MRPL21: variants seen among roughly 807,000 people sequenced by gnomAD.
MRPL21 encodes mitochondrial ribosomal protein L21.
MRPL21 carries 20 observed loss-of-function variants against 27.3 expected under a neutral mutation model. The ratio of observed to expected loss-of-function variants is 0.73; its 90% CI spans 0.52 to 1.06. MRPL21 has a LOEUF of 1.06. MRPL21 is among the 50% of genes least tolerant of loss of function. The pLI is 0.00. For missense variants in MRPL21, 249 were observed against 251.4 expected (o/e 0.99, Z 0.06); for synonymous variants, 98 against 101.5 (o/e 0.97, Z 0.21).
At chr11:68,893,247 G>A (rs1857698091) in intron 5 of MRPL21, 156 bp downstream of exon 5, 20 of 1,453,844 alleles carry the variant, frequency 1.4e-5, no homozygotes, top group Non-Finnish European at 1.7e-5. Context: ...GTTCTCATGG[G>A]CCCTAAATGT....
At chr11:68,899,742 C>T (rs1016973692) in intron 2 of MRPL21, among the ~76,000 whole-genome samples, 4 of 152,156 alleles carry the variant, frequency 2.6e-5, no homozygotes, top group African/African-American at 4.8e-5. Context: ...AATGTTTTGC[C>T]GCTTCTTTGA....
Position 68,899,872 on chromosome 11 carries a change from T to C in MRPL21, c.146+676A>G, listed in dbSNP as rs144204747. Among the ~76,000 whole-genome samples the C allele has an allele frequency of 1.1e-4, 17 of 152,330 alleles. No individual in the cohort carries two copies. In the East Asian group the frequency reaches 3.1e-3, roughly 28 times the overall value. On this transcript the variant is annotated intron_variant, in intron 2 of 6. Coordinates refer to ENST00000362034, the MANE Select transcript of MRPL21 (RefSeq NM_181514.2). The stretch of plus-strand genomic sequence containing the variant: ...ATGCCAGGCACTGTTCTAAGAGCTT[T>C]AAATGTATACATTTACTTAATCCTC...
At position 68,900,576 on chromosome 11, in the gene MRPL21, T is replaced by C. The variant is rs755730762; in HGVS notation, c.118A>G (p.Asn40Asp). The change falls in exon 2 of 7, where the codon AAT becomes GAT. Residue 40 changes from asparagine (N) to aspartate (D), a missense_variant. Asn to Asp is a conservative substitution (Grantham distance 23). Coordinates refer to ENST00000362034, the MANE Select transcript of MRPL21 (RefSeq NM_181514.2). ...GGTAGATATGAAGTGCTCTGTGAATTGAACCTTCGAGAAGCAGACCAAAGG... is the reference window on the plus strand; with the variant it reads ...GGTAGATATGAAGTGCTCTGTGAATCGAACCTTCGAGAAGCAGACCAAAGG... ...ASLWSASRRF[N>D]SQSTSYLPGY... 5 of 1,613,966 alleles carry C rather than the reference T, an allele frequency of 3.1e-6. No individual in the cohort carries two copies. The highest frequency in any genetic ancestry group is 4.2e-6 in the Non-Finnish European group (5 of 1,179,880).
At chr11:68,898,682 T>C (rs974662494) in intron 2 of MRPL21, among the ~76,000 whole-genome samples, 1 of 152,216 alleles carries the variant, frequency 6.6e-6, no homozygotes, top group Non-Finnish European at 1.5e-5. Context: ...GGTCCCAGCA[T>C]GGCCAGTGAG....
chr11:68,902,233 CT>C (rs1275862918), intron 1 of MRPL21, among the ~76,000 whole-genome samples: 1 of 152,210 alleles, frequency 6.6e-6, no homozygotes, highest in Non-Finnish European at 1.5e-5. Flanking sequence ...TGAGTCTGTA[CT>C]TGAACATAGC....
rs750300527 is a variant in MRPL21, at chr11:68,893,431, A to G, written c.421T>C (p.Phe141Leu). ...AGGAGTGGCTTGCCAAGCAGCGTGA[A>G]GTTGTCTGCCCCAACCAGCAGGACC... is the stretch of plus-strand genomic sequence containing the variant. ...EKVLLVGADN[F>L]TLLGKPLLGK... Residue 141 changes from phenylalanine to leucine, a missense_variant, in exon 5 of 7, where the codon TTC (phenylalanine) becomes CTC (leucine). Coordinates refer to ENST00000362034, the MANE Select transcript of MRPL21 (RefSeq NM_181514.2). The G allele has an allele frequency of 1.2e-6, 2 of 1,614,206 alleles. No individual in the cohort carries two copies. The highest frequency in any genetic ancestry group is 1.7e-6 in the Non-Finnish European group (2 of 1,180,038).
intron 1 of MRPL21, 70 bp downstream of exon 1, chr11:68,903,653 A>C: frequency 1.3e-6 from 2 of 1,524,342 alleles, no homozygotes; most frequent in Non-Finnish European, 1.8e-6. Context: ...ACCCAGGCAC[A>C]TACGTGGCGA....
chr11:68,896,632 G>A lies in MRPL21; in HGVS notation c.279C>T (p.Gly93=). 1 of 1,614,196 alleles carries A rather than the reference G, an allele frequency of 6.2e-7. No homozygotes were observed. Among genetic ancestry groups the A allele is most frequent in the African/African-American group, 1.3e-5 (1 of 75,050 alleles). The change falls in exon 4 of 7, where the codon GGC becomes GGT. Residue 93 remains glycine, a synonymous_variant. Transcript: ENST00000362034. ...VNEMIVTGQY[G]RLFAVVHFAS... is the part of the protein sequence containing the mutation. ...CAAAGTGCACCACGGCAAAGAGCCT[G>A]CCATACTGCCCCGTGACGATCATCT...
chr11:68,896,954 G>C (rs17532584), intron 3 of MRPL21: 3 of 495,824 alleles, frequency 6.1e-6, no homozygotes, highest in Non-Finnish European at 7.3e-6. Flanking sequence ...CGCCCAAACC[G>C]CCTCATGCAA....
chr11:68,895,800 G>T (rs1295828899), intron 4 of MRPL21, among the ~76,000 whole-genome samples: 1 of 152,158 alleles, frequency 6.6e-6, no homozygotes, highest in Non-Finnish European at 1.5e-5. Flanking sequence ...CCCACAAATA[G>T]CTGGGACTAC....
rs746649885 is a variant in MRPL21 at position 68,896,695 on chromosome 11, G to A, written c.233-17C>T. 1.6e-5 allele frequency: 25 copies of A among 1,612,430 alleles called. No individual in the cohort carries two copies. Among genetic ancestry groups the A allele is most frequent in the Admixed American group, 1.7e-5 (1 of 59,994 alleles). On this transcript the variant is annotated splice_polypyrimidine_tract_variant and intron_variant, in intron 3 of 6. Coordinates refer to ENST00000362034, the MANE Select transcript of MRPL21 (RefSeq NM_181514.2). ...TCACGACCTCTGCAGGGGAAGGCGGGTGGGTGGGCAGTCACCCTCACCTGC... is the reference window on the plus strand; with the variant it reads ...TCACGACCTCTGCAGGGGAAGGCGGATGGGTGGGCAGTCACCCTCACCTGC...
intron 4 of MRPL21, 48 bp from the exon 5 acceptor site, chr11:68,893,503 T>G: frequency 6.2e-7 from 1 of 1,611,550 alleles, no homozygotes; most frequent in South Asian, 1.1e-5. Context: ...TTACGATGAG[T>G]AAGAACAGTT....
Position 68,892,815 on chromosome 11 carries a change from C to A in MRPL21, c.553+75G>T, listed in dbSNP as rs1373430874. 3 of 1,568,262 alleles carry A rather than the reference C, an allele frequency of 1.9e-6. No homozygotes were observed. In the South Asian group the frequency reaches 3.4e-5, roughly 18 times the overall value. On this transcript the variant is annotated intron_variant, in intron 6 of 6. Transcript: ENST00000362034. ...CTTCCTGTCCCGAGACCCACGTGCCCCACACCCTCCGTCCGCATGCGCCTG... is the reference window on the plus strand; with the variant it reads ...CTTCCTGTCCCGAGACCCACGTGCCACACACCCTCCGTCCGCATGCGCCTG...
At chr11:68,897,772 C>T in intron 3 of MRPL21, 155 bp downstream of exon 3, 2 of 607,892 alleles carry the variant, frequency 3.3e-6, no homozygotes, top group South Asian at 4.1e-5. Flanking sequence ...CTGGTGTTAA[C>T]TGGTGAAAAT....
intron 3 of MRPL21, chr11:68,897,717 T>C: frequency 1.7e-6 from 1 of 577,878 alleles, no homozygotes; most frequent in Non-Finnish European, 3.1e-6. Context: ...CTGCCTGCAG[T>C]GTGGCAGGTG....
intron 3 of MRPL21, 90 bp from the exon 4 acceptor site, chr11:68,896,768 T>C: frequency 4.5e-6 from 7 of 1,546,838 alleles, no homozygotes; most frequent in African/African-American, 2.7e-5. Flanking sequence ...GGTGGGGCCC[T>C]AGGGTGGACC....
At chr11:68,895,084 G>A (rs1383143462) in intron 4 of MRPL21, among the ~76,000 whole-genome samples, 2 of 152,096 alleles carry the variant, frequency 1.3e-5, no homozygotes, top group Admixed American at 1.3e-4. Context: ...GACCAACATG[G>A]AGAAACCCCA....
At chr11:68,899,620 C>A (rs1235788820) in intron 2 of MRPL21, among the ~76,000 whole-genome samples, 3 of 152,218 alleles carry the variant, frequency 2.0e-5, no homozygotes, top group Non-Finnish European at 4.4e-5. Flanking sequence ...TTCAGCAGTG[C>A]CCAGTGTGAG....
Position 68,893,384 on chromosome 11 carries a change from A to G in MRPL21, c.449+19T>C, listed in dbSNP as rs1436766287. 3 of 1,614,092 alleles carry G rather than the reference A, an allele frequency of 1.9e-6. No homozygotes were observed. The highest frequency in any genetic ancestry group is 2.7e-5 in the African/African-American group (2 of 74,942). On this transcript the variant is annotated intron_variant, in intron 5 of 6. Coordinates refer to ENST00000362034, the MANE Select transcript of MRPL21 (RefSeq NM_181514.2). ...AGCCCTGGAGCCCCAGACAAAGCCC[A>G]GCACTTCACAGCCATTACCCGAGGA...
Sources: allele counts gnomAD v4.1 joint callset (sites outside exome capture counted in the v4.1 genomes callset), GRCh38; gene constraint gnomAD v4.1.1; transcripts MANE v1.5; gene names NCBI Gene and HGNC (gene_info 2026-07-23, HGNC 2026-07-21).